The following DLGAP2 variants were observed in gnomAD, a reference collection of about 807,000 sequenced individuals.
The protein encoded by DLGAP2 is disks large-associated protein 2.
DLGAP2 carries 26 observed loss-of-function variants against 100.3 expected under a neutral mutation model. That is an observed-to-expected ratio of 0.26 (90% confidence interval 0.19 to 0.36). The LOEUF (loss-of-function observed/expected upper bound fraction) is 0.36. DLGAP2 is among the 10% of genes least tolerant of loss of function. The pLI is 1.00. For synonymous variants in DLGAP2, 886 were observed against 630.1 expected (o/e 1.41, Z -6.08); for missense variants, 1,858 against 1,453.2 (o/e 1.28, Z -4.53).
intron 1 of DLGAP2, among the ~76,000 whole-genome samples, chr8:802,200 T>C (rs62488848): frequency 0.89 from 79,597 of 89,840 alleles, 34,911 homozygotes; most frequent in Admixed American, 0.91. Context: ...TGGTCTGCAC[T>C]CCTCCTGGGC....
intron 1 of DLGAP2, chr8:740,022 A>G (rs1371281435): frequency 1.3e-5 from 2 of 152,184 alleles, no homozygotes; most frequent in Non-Finnish European, 2.9e-5. Context: ...TCTGTGCGCC[A>G]TTCCTGCCCC....
chr8:1,679,840 C>T (rs1320433842), intron 12 of DLGAP2, among the ~76,000 whole-genome samples: 1 of 152,002 alleles, frequency 6.6e-6, no homozygotes, highest in Non-Finnish European at 1.5e-5. Flanking sequence ...ATGAGCCAGG[C>T]GTGGTGGCGG....
chr8:1,110,662 A>C (rs1199024588), intron 2 of DLGAP2, among the ~76,000 whole-genome samples: 1 of 151,682 alleles, frequency 6.6e-6, no homozygotes, highest in African/African-American at 2.4e-5. Context: ...AACAATGAGA[A>C]ACCCAAACAT....
rs71528625 is a variant in DLGAP2, at chr8:960,237, C to CTTTTTTTTTTTTTTTTT, written c.73+52286_73+52287insTTTTTTTTTTTTTTTTT. ...TTGGGCAATTATTCCTGAAGTATAT[C>CTTTTTTTTTTTTTTTTT]TTTTTTTTTTTTTTTCCCGAGACAC... On this transcript the variant is annotated intron_variant, in intron 2 of 14. Transcript: ENST00000637795. 9.5e-3 allele frequency among the ~76,000 whole-genome samples: 425 copies of CTTTTTTTTTTTTTTTTT among 44,638 alleles called. 113 individuals carry two copies. Among genetic ancestry groups the CTTTTTTTTTTTTTTTTT allele is most frequent in the African/African-American group, 0.036 (406 of 11,352 alleles). 29.3% of individuals were successfully genotyped at this position (44,638 alleles called of 152,430 possible).
intron 3 of DLGAP2, among the ~76,000 whole-genome samples, chr8:1,415,474 C>G (rs560742916): frequency 6.6e-6 from 1 of 152,150 alleles, no homozygotes; most frequent in Non-Finnish European, 1.5e-5. Context: ...TTCCCTCCCC[C>G]TCTAGTAGCC....
rs571270802 is a variant in DLGAP2 at position 1,565,235 on chromosome 8, C to T, written c.1231-448C>T. The stretch of plus-strand genomic sequence containing the variant: ...AGAACTTGGCTTCTAGATTTAAAAC[C>T]GTCCTCTTTTATTTGCTTGCAATTA... On this transcript the variant is annotated intron_variant, in intron 5 of 14. Transcript: ENST00000637795. Among the ~76,000 whole-genome samples the T allele has an allele frequency of 6.8e-4, 103 of 152,218 alleles. 1 individual carries two copies. In the Middle Eastern group the frequency reaches 0.01, roughly 15 times the overall value.
chr8:1,061,749 G>A (rs756625022), intron 2 of DLGAP2, among the ~76,000 whole-genome samples: 12 of 151,866 alleles, frequency 7.9e-5, no homozygotes, highest in Non-Finnish European at 1.5e-4. Context: ...CTCCCTCCCC[G>A]GTGAGGACTT....
chr8:1,469,120 G>A (rs541210449), intron 3 of DLGAP2, among the ~76,000 whole-genome samples: 3 of 152,262 alleles, frequency 2.0e-5, no homozygotes, highest in East Asian at 3.9e-4. Context: ...CATGCTGGGC[G>A]CCCCGTGTCC....
intron 5 of DLGAP2, among the ~76,000 whole-genome samples, chr8:1,563,577 G>A (rs922931634): frequency 6.6e-6 from 1 of 152,082 alleles, no homozygotes; most frequent in African/African-American, 2.4e-5. Flanking sequence ...GCGGGACTGT[G>A]TGGTGTTGAG....
intron 2 of DLGAP2, among the ~76,000 whole-genome samples, chr8:929,846 G>C (rs2129003153): frequency 6.6e-6 from 1 of 151,580 alleles, no homozygotes; most frequent in South Asian, 2.1e-4. Flanking sequence ...ACTTTAATTT[G>C]AGTTACCAAG....
intron 2 of DLGAP2, among the ~76,000 whole-genome samples, chr8:1,236,404 T>TAC (rs1563271053): frequency 8.1e-5 from 3 of 36,814 alleles, no homozygotes; most frequent in African/African-American, 1.4e-4. Flanking sequence ...CGTGTCTAGT[T>TAC]CTCTCACATG....
chr8:1,113,892 A>G (rs1805036492), intron 2 of DLGAP2, among the ~76,000 whole-genome samples: 1 of 152,120 alleles, frequency 6.6e-6, no homozygotes, highest in Non-Finnish European at 1.5e-5. Context: ...GTATATTGAG[A>G]ATTTTTAACA....
intron 2 of DLGAP2, among the ~76,000 whole-genome samples, chr8:1,229,007 A>G (rs1798479424): frequency 6.6e-6 from 1 of 152,200 alleles, no homozygotes; most frequent in African/African-American, 2.4e-5. Context: ...CAAGTAACAT[A>G]AAGTTGTATA....
intron 4 of DLGAP2, among the ~76,000 whole-genome samples, chr8:1,540,454 G>A (rs1003630765): frequency 6.6e-6 from 1 of 152,104 alleles, no homozygotes; most frequent in Non-Finnish European, 1.5e-5. Flanking sequence ...AGGAAGGCAG[G>A]AAAACACTTT....
intron 2 of DLGAP2, among the ~76,000 whole-genome samples, chr8:1,027,845 T>C (rs1187029379): frequency 7.4e-6 from 1 of 135,096 alleles, no homozygotes; most frequent in African/African-American, 2.8e-5. Flanking sequence ...GCGCCCGTTA[T>C]TCTCCAGGTG....
At chr8:1,156,702 C>A (rs1796798679) in intron 2 of DLGAP2, among the ~76,000 whole-genome samples, 1 of 151,964 alleles carries the variant, frequency 6.6e-6, no homozygotes, top group African/African-American at 2.4e-5. Flanking sequence ...GCTCAGCAAC[C>A]CGGCTCAGCG....
chr8:1,244,186 G>A (rs113391407), intron 2 of DLGAP2, among the ~76,000 whole-genome samples: 2,932 of 152,330 alleles, frequency 0.019, 64 homozygotes, highest in African/African-American at 0.051. Context: ...AGTGCGATAC[G>A]GTTAGAGTGC....
chr8:997,819 T>C (rs1030353403), intron 2 of DLGAP2, among the ~76,000 whole-genome samples: 1 of 152,182 alleles, frequency 6.6e-6, no homozygotes, highest in East Asian at 1.9e-4. Flanking sequence ...TACCTATGCA[T>C]ACATACAAAC....
Position 1,678,587 on chromosome 8 carries a change from G to A in DLGAP2, c.2662G>A (p.Glu888Lys). 1 of 1,575,468 alleles carries A rather than the reference G, an allele frequency of 6.3e-7. No homozygotes were observed. Among genetic ancestry groups the A allele is most frequent in the Non-Finnish European group, 8.6e-7 (1 of 1,160,424 alleles). ...ETKRMEGWCK[E>K]MEREAEENDL... ...AAAGAGGATGGAAGGCTGGTGCAAA[G>A]AGATGGAGAGAGAGGCGGAGGAGAA... The change falls in exon 12 of 15, where the codon GAG (glutamate) becomes AAG (lysine). Residue 888 changes from glutamate to lysine, a missense_variant. Physicochemically the swap from Glu to Lys is moderately conservative, Grantham distance 56. Coordinates refer to ENST00000637795, the MANE Select transcript of DLGAP2 (RefSeq NM_001346810.2).
Sources: gnomAD v4.1 joint callset for allele counts (sites outside exome capture counted in the v4.1 genomes callset) on GRCh38, gnomAD v4.1.1 for gene constraint, MANE v1.5 for transcripts, NCBI Gene and HGNC (gene_info 2026-07-23, HGNC 2026-07-21) for gene names.